Variants in CAMSAP1 observed in about 807,000 individuals in gnomAD.
CAMSAP1 encodes the protein calmodulin regulated spectrin associated protein 1.
CAMSAP1 carries 58 observed loss-of-function variants against 143.5 expected under a neutral mutation model. The ratio of observed to expected loss-of-function variants is 0.40; its 90% CI spans 0.33 to 0.50. The LOEUF is 0.50. Among genes scored for constraint, CAMSAP1 ranks in the 20% least tolerant of loss-of-function variants. The probability of loss-of-function intolerance (pLI) is 0.45; values close to 1 mark genes in which losing one functional copy is unlikely to be tolerated. For synonymous variants in CAMSAP1, 945 were observed against 859.3 expected (o/e 1.10, Z -1.74); for missense variants, 1,969 against 2,115.7 (o/e 0.93, Z 1.36).
At chr9:135,855,818 C>A (rs555528860) in intron 5 of CAMSAP1, among the ~76,000 whole-genome samples, 7 of 150,840 alleles carry the variant, frequency 4.6e-5, no homozygotes, top group Non-Finnish European at 7.4e-5. Flanking sequence ...TTTGGGAGGC[C>A]GAGGCGGGCG....
intron 3 of CAMSAP1, among the ~76,000 whole-genome samples, chr9:135,877,725 T>C (rs1007874514): frequency 6.6e-6 from 1 of 151,948 alleles, no homozygotes; most frequent in African/African-American, 2.4e-5. Context: ...GGAGGGATAA[T>C]TGCTTGAGCC....
rs951721796 is a variant in CAMSAP1, at chr9:135,882,271, C to G, written c.424-477G>C. Among the ~76,000 whole-genome samples, 1 of 152,120 alleles carries G rather than the reference C, an allele frequency of 6.6e-6. No homozygotes were observed. The highest frequency in any genetic ancestry group is 2.4e-5 in the African/African-American group (1 of 41,402). ...TTCCTCATTCGACAGGAATGACACT[C>G]TCTTCAACCACCGCACGGCACCCGC... is the stretch of plus-strand genomic sequence containing the variant. On this transcript the variant is annotated intron_variant, in intron 2 of 16. Coordinates refer to ENST00000389532, the MANE Select transcript of CAMSAP1 (RefSeq NM_015447.4). The surrounding 1 kb of genome is among the most constrained non-coding windows in gnomAD (Gnocchi z 4.9).
At chr9:135,884,740 G>T (rs1838071695) in intron 1 of CAMSAP1, among the ~76,000 whole-genome samples, 1 of 152,180 alleles carries the variant, frequency 6.6e-6, no homozygotes, top group Non-Finnish European at 1.5e-5. Context: ...AGCACAACGG[G>T]AAGACTTCTG....
At chr9:135,881,510 A>G in intron 3 of CAMSAP1, 123 bp downstream of exon 3, 1 of 1,152,908 alleles carries the variant, frequency 8.7e-7, no homozygotes, top group Non-Finnish European at 1.2e-6. Flanking sequence ...TGGACACAAA[A>G]TATGACTGGT....
chr9:135,889,913 T>G (rs1466035144), intron 1 of CAMSAP1, among the ~76,000 whole-genome samples: 1 of 150,430 alleles, frequency 6.6e-6, no homozygotes, highest in Admixed American at 6.6e-5. Context: ...CTCGCTCCCC[T>G]GAGCTCACGA....
chr9:135,821,625 C>T lies in CAMSAP1; in HGVS notation c.3036G>A (p.Gly1012=), dbSNP rs146973987. 9.9e-5 allele frequency: 159 copies of T among 1,614,002 alleles called. No homozygotes were observed. In the African/African-American group the frequency reaches 1.9e-3, roughly 19 times the overall value. ...ISAALLEDTV[G]EVVDVNECDL... The stretch of plus-strand genomic sequence containing the variant: ...CACATTCATTCACGTCGACAACCTC[C>T]CCAACAGTGTCCTCCAGGAGGGCAG... Residue 1012 remains glycine, a synonymous_variant, in exon 11 of 17, where the codon GGG becomes GGA. Transcript: ENST00000389532. This position sits in a 1 kb window ranked among gnomAD's most constrained non-coding sequence, Gnocchi z 4.6.
intron 3 of CAMSAP1, among the ~76,000 whole-genome samples, chr9:135,880,971 T>C (rs1464846797): frequency 3.9e-5 from 6 of 152,204 alleles, no homozygotes; most frequent in African/African-American, 1.4e-4. Context: ...TTTTTTTTCC[T>C]TAATAATCAA....
rs10119212 is a variant in CAMSAP1, at chr9:135,877,121, C to T, written c.585+4512G>A. Among the ~76,000 whole-genome samples, 597 of 152,202 alleles carry T rather than the reference C, an allele frequency of 3.9e-3. 6 individuals carry two copies. Among genetic ancestry groups the T allele is most frequent in the African/African-American group, 0.014 (571 of 41,528 alleles). On this transcript the variant is annotated intron_variant, in intron 3 of 16. Transcript: ENST00000389532. ...GTCCATCAACAGGTGGACAGATAAA[C>T]GAACCATGGTATATGCACACGATGG...
intron 5 of CAMSAP1, among the ~76,000 whole-genome samples, chr9:135,860,443 C>T (rs986246556): frequency 6.6e-6 from 1 of 151,646 alleles, no homozygotes; most frequent in Non-Finnish European, 1.5e-5. Context: ...ACTAAAAGTA[C>T]AAAAATTAGC....
At chr9:135,865,329 T>C (rs890009733) in intron 4 of CAMSAP1, 1 of 1,550,626 alleles carries the variant, frequency 6.4e-7, no homozygotes, top group Non-Finnish European at 8.7e-7. Flanking sequence ...GGGGTTCACT[T>C]ACAGGCACTA....
At chr9:135,895,552 A>G (rs1838422516) in intron 1 of CAMSAP1, among the ~76,000 whole-genome samples, 1 of 152,266 alleles carries the variant, frequency 6.6e-6, no homozygotes, top group South Asian at 2.1e-4. Context: ...TAATCTGTCA[A>G]ACCTTAAAGA....
chr9:135,837,761 ACAT>A (rs1206945517), intron 7 of CAMSAP1, among the ~76,000 whole-genome samples: 1 of 141,472 alleles, frequency 7.1e-6, no homozygotes, highest in Non-Finnish European at 1.5e-5. Context: ...CTACAGATAC[ACAT>A]CATCACGCAC....
chr9:135,899,157 A>G (rs909481639), intron 1 of CAMSAP1, among the ~76,000 whole-genome samples: 8 of 152,162 alleles, frequency 5.3e-5, no homozygotes, highest in Non-Finnish European at 1.0e-4. Context: ...CAGGGGCACA[A>G]AGGAAACTCG....
In CAMSAP1 at chr9:135,818,356, G is replaced by A; in HGVS notation, c.4168+52C>T. The A allele has an allele frequency of 6.7e-7, 1 of 1,502,318 alleles. No individual in the cohort carries two copies. Among genetic ancestry groups the A allele is most frequent in the Non-Finnish European group, 8.9e-7 (1 of 1,123,128 alleles). 93.1% of individuals were successfully genotyped at this position (1,502,318 alleles called of 1,614,324 possible). A position where few individuals can be genotyped will look rare whatever the true frequency, so the allele number is the denominator to read the frequency against. The stretch of plus-strand genomic sequence containing the variant: ...ATTGAAATGAGCTGAAGAACGTGAG[G>A]CCGCCGCCCGCGGAAGGAAGCGCTG... On this transcript the variant is annotated intron_variant, in intron 13 of 16. Transcript: ENST00000389532. The surrounding 1 kb of genome is among the most constrained non-coding windows in gnomAD (Gnocchi z 7.7).
chr9:135,823,327 G>C (rs1030165888), intron 10 of CAMSAP1, 67 bp from the exon 11 acceptor site: 3 of 1,492,898 alleles, frequency 2.0e-6, no homozygotes, highest in Non-Finnish European at 2.7e-6. Flanking sequence ...CATGGACCAG[G>C]GGGTGAGAAT....
At position 135,821,046 on chromosome 9, in the gene CAMSAP1, C is replaced by T. The variant is rs1835432088; in HGVS notation, c.3615G>A (p.Val1205=). 2 of 1,613,840 alleles carry T rather than the reference C, an allele frequency of 1.2e-6. No homozygotes were observed. The highest frequency in any genetic ancestry group is 1.7e-6 in the Non-Finnish European group (2 of 1,179,872). The change falls in exon 11 of 17, where the codon GTG becomes GTA. Residue 1205 remains valine (V), a synonymous_variant. Transcript: ENST00000389532. This position sits in a 1 kb window ranked among gnomAD's most constrained non-coding sequence, Gnocchi z 4.6. ...CTGAGGAGCTGGACCCCACCTCCTT[C>T]ACACTCGCATCCAGAACTTCTTTGA... is the stretch of plus-strand genomic sequence containing the variant. ...MSLKEVLDAS[V]KEVGSSSSDV...
intron 8 of CAMSAP1, among the ~76,000 whole-genome samples, 173 bp from the exon 9 acceptor site, chr9:135,825,053 C>G (rs1258945554): frequency 6.6e-6 from 1 of 152,168 alleles, no homozygotes; most frequent in Non-Finnish European, 1.5e-5. Flanking sequence ...GAACTTCCAA[C>G]CTGGGATGAA....
chr9:135,886,092 A>G (rs570727725), intron 1 of CAMSAP1, among the ~76,000 whole-genome samples: 26 of 152,322 alleles, frequency 1.7e-4, no homozygotes, highest in African/African-American at 5.5e-4. Flanking sequence ...TGATGCCTTC[A>G]ATGTATTTCT....
At chr9:135,844,599 G>A (rs1055551931) in intron 7 of CAMSAP1, among the ~76,000 whole-genome samples, 2 of 151,950 alleles carry the variant, frequency 1.3e-5, no homozygotes, top group Non-Finnish European at 2.9e-5. Context: ...TTTTTGAAAC[G>A]ATTAACAAAC....
Sources: gnomAD v4.1 joint callset for allele counts (sites outside exome capture counted in the v4.1 genomes callset) on GRCh38, gnomAD v4.1.1 for gene constraint, Gnocchi (gnomAD v3.1) non-coding constraint, MANE v1.5 for transcripts, NCBI Gene and HGNC (gene_info 2026-07-23, HGNC 2026-07-21) for gene names.